Variants in RFPL4B observed in about 807,000 individuals in gnomAD.
The protein encoded by RFPL4B is ret finger protein-like 4B.
For missense variants in RFPL4B, 314 were observed against 327.7 expected (o/e 0.96, Z 0.32); for synonymous variants, 118 against 126.3 (o/e 0.93, Z 0.44).
rs1194281022 is a variant in RFPL4B at position 112,350,742 on chromosome 6, C to T, written c.*242C>T. ...ATTAAGTACTGTAAGCTTCAGTTTTCTAGTCTGTAGATGCGGATAATTGTA... is the reference window on the plus strand; with the variant it reads ...ATTAAGTACTGTAAGCTTCAGTTTTTTAGTCTGTAGATGCGGATAATTGTA... On this transcript the variant is annotated 3_prime_UTR_variant, in exon 3 of 3. Coordinates refer to ENST00000441065, the MANE Select transcript of RFPL4B (RefSeq NM_001013734.3). 1 of 424,932 alleles carries T rather than the reference C, an allele frequency of 2.4e-6. No individual in the cohort carries two copies. Among genetic ancestry groups the T allele is most frequent in the Non-Finnish European group, 4.3e-6 (1 of 231,544 alleles). The allele number at this position is 424,932 out of a possible 1,614,324, so 26.3% of individuals were successfully genotyped here. A position where few individuals can be genotyped will look rare whatever the true frequency, so the allele number is the denominator to read the frequency against.
In RFPL4B at chr6:112,350,748, TGTAG is replaced by T. The variant is rs1350526556; in HGVS notation, c.*249_*252del. The T allele has an allele frequency of 2.4e-6, 1 of 409,346 alleles. No homozygotes were observed. The highest frequency in any genetic ancestry group is 2.0e-5 in the African/African-American group (1 of 49,396). 25.4% of individuals were successfully genotyped at this position (409,346 alleles called of 1,614,324 possible). A position where few individuals can be genotyped will look rare whatever the true frequency, so the allele number is the denominator to read the frequency against. Reference sequence around the variant, plus strand: ...TACTGTAAGCTTCAGTTTTCTAGTCTGTAGATGCGGATAATTGTATCTCAGTCAA... The same window carrying T: ...TACTGTAAGCTTCAGTTTTCTAGTCTATGCGGATAATTGTATCTCAGTCAA... On this transcript the variant is annotated 3_prime_UTR_variant, in exon 3 of 3. Coordinates refer to ENST00000441065, the MANE Select transcript of RFPL4B (RefSeq NM_001013734.3).
In RFPL4B at chr6:112,349,979, C is replaced by T. The variant is rs757466614; in HGVS notation, c.271C>T (p.Arg91Trp). ...AAGTCTGCACGTGAGGGAGGAGCTC[C>T]GGCATTTTCGGGAGGATGTGACCCT... ...EQSLHVREEL[R>W]HFREDVTLDA... Residue 91 changes from arginine (R) to tryptophan (W), a missense_variant, in exon 3 of 3, where the codon CGG becomes TGG. By Grantham distance (101) the Arg-to-Trp change is moderately radical. Coordinates refer to ENST00000441065, the MANE Select transcript of RFPL4B (RefSeq NM_001013734.3). 1.1e-5 allele frequency: 18 copies of T among 1,614,082 alleles called. No homozygotes were observed. The highest frequency in any genetic ancestry group is 2.2e-5 in the East Asian group (1 of 44,896).
chr6:112,350,795 A>G lies in RFPL4B; in HGVS notation c.*295A>G. 1 of 301,012 alleles carries G rather than the reference A, an allele frequency of 3.3e-6. No homozygotes were observed. The highest frequency in any genetic ancestry group is 6.1e-5 in the East Asian group (1 of 16,478). The allele number at this position is 301,012 out of a possible 1,614,324, so 18.6% of individuals were successfully genotyped here. A position where few individuals can be genotyped will look rare whatever the true frequency, so the allele number is the denominator to read the frequency against. The stretch of plus-strand genomic sequence containing the variant: ...TCAGTCAAACAGCTGTGGTAATTAG[A>G]GACAATACTATGCCTTTGTCTTATA... On this transcript the variant is annotated 3_prime_UTR_variant, in exon 3 of 3. Transcript: ENST00000441065.
At chr6:112,349,152 T>G (rs139751401) in intron 1 of RFPL4B, 41 bp from the exon 2 acceptor site, 3 of 152,324 alleles carry the variant, frequency 2.0e-5, no homozygotes, top group African/African-American at 7.2e-5. Flanking sequence ...TTATTTTCAT[T>G]ATTGAATTTA....
Position 112,350,008 on chromosome 6 carries a change from T to A in RFPL4B, c.300T>A (p.Asp100Glu). 6.2e-7 allele frequency: 1 copy of A among 1,614,238 alleles called. No individual in the cohort carries two copies. Among genetic ancestry groups the A allele is most frequent in the Non-Finnish European group, 8.5e-7 (1 of 1,180,044 alleles). The change falls in exon 3 of 3, where the codon GAT (aspartate) becomes GAA (glutamate). Residue 100 changes from aspartate to glutamate, a missense_variant. Coordinates refer to ENST00000441065, the MANE Select transcript of RFPL4B (RefSeq NM_001013734.3). ...LRHFREDVTL[D>E]AATASSLLVF... ...ATTTTCGGGAGGATGTGACCCTGGATGCAGCCACTGCCAGCTCCCTCCTTG... is the reference window on the plus strand; with the variant it reads ...ATTTTCGGGAGGATGTGACCCTGGAAGCAGCCACTGCCAGCTCCCTCCTTG...
intron 1 of RFPL4B, among the ~76,000 whole-genome samples, chr6:112,348,768 C>T (rs752507642): frequency 6.6e-6 from 1 of 152,138 alleles, no homozygotes; most frequent in Non-Finnish European, 1.5e-5. Context: ...AGAGACAGCT[C>T]ACTCAAAGAA....
rs1789147336 is a variant in RFPL4B, at chr6:112,351,057, C to G, written c.*557C>G. The G allele has an allele frequency of 6.0e-6, 1 of 166,970 alleles. No homozygotes were observed. The highest frequency in any genetic ancestry group is 2.4e-5 in the African/African-American group (1 of 41,448). 10.3% of individuals were successfully genotyped at this position (166,970 alleles called of 1,614,324 possible). On this transcript the variant is annotated 3_prime_UTR_variant, in exon 3 of 3. Transcript: ENST00000441065. ...TTTCATTTTTATTTTCTTTGAAACA[C>G]AGCCACATAAGTTTTCTTGAAAGAC... is the stretch of plus-strand genomic sequence containing the variant.
In RFPL4B at chr6:112,349,627, C is replaced by A; in HGVS notation, c.-82C>A. 9.2e-7 allele frequency: 1 copy of A among 1,085,384 alleles called. No individual in the cohort carries two copies. Among genetic ancestry groups the A allele is most frequent in the South Asian group, 1.5e-5 (1 of 68,816 alleles). The allele number at this position is 1,085,384 out of a possible 1,614,324, so 67.2% of individuals were successfully genotyped here. On this transcript the variant is annotated 5_prime_UTR_variant, in exon 3 of 3. The change creates a new upstream start codon in the 5' untranslated region. Transcript: ENST00000441065. ...AGACTATTGAAGAGTGGATTGTGTA[C>A]TGAGGGCTCCCAAGTGCTTCCAGAA...
chr6:112,350,614 T>A lies in RFPL4B; in HGVS notation c.*114T>A. The A allele has an allele frequency of 1.2e-6, 1 of 824,018 alleles. No homozygotes were observed. The highest frequency in any genetic ancestry group is 1.8e-6 in the Non-Finnish European group (1 of 543,894). The allele number at this position is 824,018 out of a possible 1,614,324, so 51.0% of individuals were successfully genotyped here. On this transcript the variant is annotated 3_prime_UTR_variant, in exon 3 of 3. Transcript: ENST00000441065. ...GCTATAGTGCAAAGACTTGGTAAAT[T>A]TTTAAAGTAGATTTTGTAGACTTTG...
rs573629109 is a variant in RFPL4B at position 112,349,742 on chromosome 6, C to T, written c.34C>T (p.Pro12Ser). The T allele has an allele frequency of 6.2e-7, 1 of 1,614,096 alleles. No individual in the cohort carries two copies. The highest frequency in any genetic ancestry group is 1.3e-5 in the African/African-American group (1 of 75,028). ...ACGCCTGCAAGCAGAGTTGTCCTGT[C>T]CAGTTTGCCTGGATTTTTTCTCCTG... Reference protein sequence around the residue: ...AKRLQAELSCPVCLDFFSCSI... With the variant: ...AKRLQAELSCSVCLDFFSCSI... The change falls in exon 3 of 3, where the codon CCA (proline) becomes TCA (serine). Residue 12 changes from proline (P) to serine (S), a missense_variant. By Grantham distance (74) the Pro-to-Ser change is moderately conservative. Coordinates refer to ENST00000441065, the MANE Select transcript of RFPL4B (RefSeq NM_001013734.3).
chr6:112,347,879 C>T (rs918967443), intron 1 of RFPL4B, among the ~76,000 whole-genome samples: 3 of 151,752 alleles, frequency 2.0e-5, no homozygotes, highest in African/African-American at 7.3e-5. Flanking sequence ...GAGACCGAGG[C>T]AGGAGAATTG....
chr6:112,348,953 CTTAA>C (rs1311088157), intron 1 of RFPL4B, among the ~76,000 whole-genome samples: 5 of 152,126 alleles, frequency 3.3e-5, no homozygotes, highest in Non-Finnish European at 4.4e-5. Context: ...TAATTCAAGC[CTTAA>C]TTAGTTTTCT....
Position 112,350,466 on chromosome 6 carries a change from G to A in RFPL4B, c.758G>A (p.Gly253Glu), listed in dbSNP as rs562746815. Reference protein sequence around the residue: ...PFFCLELLGEGESGNVLTICP With the variant: ...PFFCLELLGEEESGNVLTICP Reference sequence around the variant, plus strand: ...TTCTGTCTTGAGCTCTTGGGAGAAGGGGAGAGTGGCAACGTCCTGACCATC... The same window carrying A: ...TTCTGTCTTGAGCTCTTGGGAGAAGAGGAGAGTGGCAACGTCCTGACCATC... The change falls in exon 3 of 3, where the codon GGG (glycine) becomes GAG (glutamate). Residue 253 changes from glycine (G) to glutamate (E), a missense_variant. Gly to Glu is a moderately conservative substitution (Grantham distance 98, BLOSUM62 -2). Coordinates refer to ENST00000441065, the MANE Select transcript of RFPL4B (RefSeq NM_001013734.3). 2.5e-6 allele frequency: 4 copies of A among 1,603,948 alleles called. No individual in the cohort carries two copies. The highest frequency in any genetic ancestry group is 1.3e-5 in the African/African-American group (1 of 74,776).
chr6:112,350,500 A>T lies in RFPL4B; in HGVS notation c.792A>T (p.Ter264CysextTer10). ...ESGNVLTICP[*>C] is the part of the protein sequence containing the mutation. ...GCAACGTCCTGACCATCTGCCCATG[A>T]GAAAGTCAGCCCTTCCTAGAAGCTT... The change falls in exon 3 of 3, where the codon TGA becomes TGT. Residue 264 changes from the stop codon to cysteine (C), a stop_lost. Transcript: ENST00000441065. The T allele has an allele frequency of 6.4e-7, 1 of 1,569,852 alleles. No individual in the cohort carries two copies.
rs1474641716 is a variant in RFPL4B at position 112,349,926 on chromosome 6, C to A, written c.218C>A (p.Thr73Asn). 6.2e-7 allele frequency: 1 copy of A among 1,614,074 alleles called. No individual in the cohort carries two copies. The highest frequency in any genetic ancestry group is 1.3e-5 in the African/African-American group (1 of 74,924). ...CAAGTGAGCGTCCTAACACTTATGACCAAGCAGCACAATAGCCGACTTGAG... is the reference window on the plus strand; with the variant it reads ...CAAGTGAGCGTCCTAACACTTATGAACAAGCAGCACAATAGCCGACTTGAG... ...EWQVSVLTLM[T>N]KQHNSRLEQS... Residue 73 changes from threonine (T) to asparagine (N), a missense_variant, in exon 3 of 3, where the codon ACC becomes AAC. Physicochemically the swap from Thr to Asn is moderately conservative, Grantham distance 65. Transcript: ENST00000441065.
rs746830726 is a variant in RFPL4B at position 112,349,785 on chromosome 6, G to A, written c.77G>A (p.Cys26Tyr). 1 of 1,614,000 alleles carries A rather than the reference G, an allele frequency of 6.2e-7. No individual in the cohort carries two copies. Among genetic ancestry groups the A allele is most frequent in the Admixed American group, 1.7e-5 (1 of 60,002 alleles). Reference protein sequence around the residue: ...DFFSCSISLSCTHVFCFDCIQ... With the variant: ...DFFSCSISLSYTHVFCFDCIQ... The stretch of plus-strand genomic sequence containing the variant: ...TTCTCCTGTTCCATTTCTCTCTCTT[G>A]TACACACGTGTTCTGCTTTGATTGC... Residue 26 changes from cysteine (C) to tyrosine (Y), a missense_variant, in exon 3 of 3, where the codon TGT becomes TAT. Cys to Tyr is a radical substitution (Grantham distance 194). Transcript: ENST00000441065.
rs1294867778 is a variant in RFPL4B at position 112,349,640 on chromosome 6, A to G, written c.-69A>G. The stretch of plus-strand genomic sequence containing the variant: ...GTGGATTGTGTACTGAGGGCTCCCA[A>G]GTGCTTCCAGAAGCCAATAAAGGAT... On this transcript the variant is annotated 5_prime_UTR_variant, in exon 3 of 3. Coordinates refer to ENST00000441065, the MANE Select transcript of RFPL4B (RefSeq NM_001013734.3). The G allele has an allele frequency of 2.9e-6, 4 of 1,358,508 alleles. No homozygotes were observed. Among genetic ancestry groups the G allele is most frequent in the Non-Finnish European group, 4.1e-6 (4 of 970,224 alleles). 84.2% of individuals were successfully genotyped at this position (1,358,508 alleles called of 1,614,324 possible).
rs1194623649 is a variant in RFPL4B, at chr6:112,350,403, A to G, written c.695A>G (p.His232Arg). The change falls in exon 3 of 3, where the codon CAT becomes CGT. Residue 232 changes from histidine to arginine, a missense_variant. Physicochemically the swap from His to Arg is conservative, Grantham distance 29. Transcript: ENST00000441065. Reference sequence around the variant, plus strand: ...GACAATAATGTCCTCATCTATACACATGATGGTTTCTTCTCTTTGGAGCTT... The same window carrying G: ...GACAATAATGTCCTCATCTATACACGTGATGGTTTCTTCTCTTTGGAGCTT... ...DVDNNVLIYT[H>R]DGFFSLELLC... is the part of the protein sequence containing the mutation. 5.0e-6 allele frequency: 8 copies of G among 1,613,960 alleles called. No individual in the cohort carries two copies. The highest frequency in any genetic ancestry group is 1.6e-4 in the Middle Eastern group (1 of 6,062).
rs144440751 is a variant in RFPL4B, at chr6:112,349,283, C to G, written c.-144C>G. On this transcript the variant is annotated 5_prime_UTR_variant, in exon 2 of 3. Coordinates refer to ENST00000441065, the MANE Select transcript of RFPL4B (RefSeq NM_001013734.3). ...AGCCCCCATTAGGAGAAACTTTGGC[C>G]GGAGCAGCCAACACATCACCTGGAA... 1 of 152,254 alleles carries G rather than the reference C, an allele frequency of 6.6e-6. No individual in the cohort carries two copies. Among genetic ancestry groups the G allele is most frequent in the African/African-American group, 2.4e-5 (1 of 41,422 alleles). The allele number at this position is 152,254 out of a possible 1,614,324, so 9.4% of individuals were successfully genotyped here. A position where few individuals can be genotyped will look rare whatever the true frequency, so the allele number is the denominator to read the frequency against.
Sources: allele counts gnomAD v4.1 joint callset (sites outside exome capture counted in the v4.1 genomes callset), GRCh38; gene constraint gnomAD v4.1.1; transcripts MANE v1.5; gene names NCBI Gene and HGNC (gene_info 2026-07-23, HGNC 2026-07-21).